GRIA4: variants seen among roughly 807,000 people sequenced by gnomAD.
GRIA4 encodes glutamate receptor 4.
Under a neutral mutation model 104.0 loss-of-function variants are expected in GRIA4, and 34 were observed. The ratio of observed to expected loss-of-function variants is 0.33; its 90% CI spans 0.25 to 0.44. GRIA4 has a LOEUF of 0.44. GRIA4 is among the 20% of genes least tolerant of loss of function. The pLI is 1.00. For missense variants in GRIA4, 750 were observed against 1,096.5 expected (o/e 0.68, Z 4.46); for synonymous variants, 386 against 381.9 (o/e 1.01, Z -0.13).
intron 3 of GRIA4, among the ~76,000 whole-genome samples, chr11:105,685,222 G>A: frequency 6.6e-6 from 1 of 152,102 alleles, no homozygotes; most frequent in Non-Finnish European, 1.5e-5. Flanking sequence ...AGTTAAAAAC[G>A]AGACTCCTTA....
chr11:105,615,784 A>AT (rs566456487), intron 3 of GRIA4, among the ~76,000 whole-genome samples: 138 of 151,852 alleles, frequency 9.1e-4, no homozygotes, highest in African/African-American at 3.1e-3. Flanking sequence ...GTTTTCTCAT[A>AT]TTTTTTCAAT....
At chr11:105,733,706 T>A (rs897457762) in intron 3 of GRIA4, among the ~76,000 whole-genome samples, 3 of 152,032 alleles carry the variant, frequency 2.0e-5, no homozygotes, top group Non-Finnish European at 4.4e-5. Flanking sequence ...TCCTCCCACC[T>A]TGGCCTCCCA....
At chr11:105,663,544 G>A (rs1334506153) in intron 3 of GRIA4, among the ~76,000 whole-genome samples, 1 of 151,878 alleles carries the variant, frequency 6.6e-6, no homozygotes, top group African/African-American at 2.4e-5. Context: ...GACAATGACA[G>A]GACTAGCTTT....
chr11:105,679,707 T>A (rs1287352143), intron 3 of GRIA4, among the ~76,000 whole-genome samples: 6 of 152,240 alleles, frequency 3.9e-5, no homozygotes, highest in African/African-American at 1.4e-4. Context: ...TAAATATATA[T>A]ACACACACAC....
At chr11:105,644,631 TA>T (rs1951472798) in intron 3 of GRIA4, among the ~76,000 whole-genome samples, 1 of 151,922 alleles carries the variant, frequency 6.6e-6, no homozygotes, top group Non-Finnish European at 1.5e-5. Flanking sequence ...ATTAAATAAT[TA>T]AAAAATACCA....
chr11:105,821,975 G>A (rs1175727369), intron 4 of GRIA4, among the ~76,000 whole-genome samples: 8 of 152,086 alleles, frequency 5.3e-5, no homozygotes, highest in African/African-American at 9.6e-5. Context: ...TGCTGCGCTC[G>A]CCACGCAGGT....
At position 105,742,604 on chromosome 11, in the gene GRIA4, A is replaced by ATGTGTG. The variant is rs5794424; in HGVS notation, c.248-10367_248-10362dup. ...TATACAAGTGTGAGTATATATATAT[A>ATGTGTG]TGTGTGTGTGTGTGTATGTATATAT... On this transcript the variant is annotated intron_variant, in intron 3 of 16. Transcript: ENST00000282499. Among the ~76,000 whole-genome samples the ATGTGTG allele has an allele frequency of 1.3e-3, 199 of 151,126 alleles. 1 individual carries two copies. The highest frequency in any genetic ancestry group is 3.4e-3 in the Middle Eastern group (1 of 290).
intron 5 of GRIA4, among the ~76,000 whole-genome samples, chr11:105,869,499 CTCATTAGGTAGAAAAGAGAGGATAACA>C (rs1284207923): frequency 6.6e-6 from 1 of 151,892 alleles, no homozygotes; most frequent in Non-Finnish European, 1.5e-5. Flanking sequence ...AGTTATATTC[CTCATTAGGTAGAAAAGAGAGGATAACA>C]TCATAATTAT....
chr11:105,713,834 C>A (rs1473692074), intron 3 of GRIA4, among the ~76,000 whole-genome samples: 1 of 152,072 alleles, frequency 6.6e-6, no homozygotes, highest in Non-Finnish European at 1.5e-5. Context: ...AACAAAAGGA[C>A]AATTCAAAAA....
chr11:105,936,187 C>T (rs565683845), intron 14 of GRIA4, among the ~76,000 whole-genome samples: 17 of 152,218 alleles, frequency 1.1e-4, no homozygotes, highest in African/African-American at 3.9e-4. Flanking sequence ...CATTCTTATC[C>T]AACTAGGATT....
At chr11:105,971,786 TA>T (rs1175259247) in intron 14 of GRIA4, 127 bp from the exon 15 acceptor site, 1 of 536,532 alleles carries the variant, frequency 1.9e-6, no homozygotes, top group Non-Finnish European at 3.4e-6. Context: ...AACCTGGGCC[TA>T]CAGTACAAGA....
At chr11:105,885,972 T>C (rs765763643) in intron 5 of GRIA4, among the ~76,000 whole-genome samples, 7 of 152,212 alleles carry the variant, frequency 4.6e-5, no homozygotes, top group Non-Finnish European at 8.8e-5. Flanking sequence ...TCAGCCCTCA[T>C]AGTCAGGAAG....
At chr11:105,682,931 C>T (rs760099465) in intron 3 of GRIA4, among the ~76,000 whole-genome samples, 19 of 152,116 alleles carry the variant, frequency 1.2e-4, no homozygotes, top group Admixed American at 9.8e-4. Context: ...TAAAAATATC[C>T]CTTAAGCCAT....
intron 4 of GRIA4, among the ~76,000 whole-genome samples, chr11:105,788,574 C>T (rs1052978399): frequency 6.6e-6 from 1 of 151,998 alleles, no homozygotes; most frequent in Non-Finnish European, 1.5e-5. Context: ...AAAAAAAGAA[C>T]AAAATCATTT....
chr11:105,730,251 C>A (rs530454599), intron 3 of GRIA4, among the ~76,000 whole-genome samples: 114 of 152,132 alleles, frequency 7.5e-4, no homozygotes, highest in African/African-American at 2.6e-3. Flanking sequence ...AAACAGTGAG[C>A]CAAATAATGA....
At chr11:105,848,333 A>C (rs566095902) in intron 4 of GRIA4, among the ~76,000 whole-genome samples, 4 of 152,354 alleles carry the variant, frequency 2.6e-5, no homozygotes, top group African/African-American at 9.6e-5. Context: ...GATTGTAAAT[A>C]TTCAACATGT....
intron 3 of GRIA4, among the ~76,000 whole-genome samples, chr11:105,744,515 T>C (rs1178673841): frequency 6.6e-6 from 1 of 152,184 alleles, no homozygotes; most frequent in Non-Finnish European, 1.5e-5. Context: ...AGTATCATAG[T>C]AGTACTAATA....
intron 3 of GRIA4, among the ~76,000 whole-genome samples, chr11:105,695,456 GTGTC>G (rs1953237629): frequency 7.7e-6 from 1 of 130,048 alleles, no homozygotes; most frequent in South Asian, 2.8e-4. Flanking sequence ...GTGTGTGTGT[GTGTC>G]TGTGTGTGTG....
chr11:105,973,779 G>A (rs1591503079), intron 15 of GRIA4, among the ~76,000 whole-genome samples: 1 of 152,110 alleles, frequency 6.6e-6, no homozygotes. Context: ...GCATGTATTT[G>A]GTAAATTAAT....
Sources: allele counts gnomAD v4.1 joint callset (sites outside exome capture counted in the v4.1 genomes callset), GRCh38; gene constraint gnomAD v4.1.1; transcripts MANE v1.5; gene names NCBI Gene and HGNC (gene_info 2026-07-23, HGNC 2026-07-21).